DNAJC3: variants seen among roughly 807,000 people sequenced by gnomAD.
DNAJC3 encodes dnaJ homolog subfamily C member 3.
A neutral mutation model predicts 68.6 loss-of-function variants in DNAJC3; 38 were observed. The observed-to-expected ratio is 0.55, with a 90% CI of 0.43 to 0.73. The LOEUF is 0.73. Ranked by LOEUF, DNAJC3 falls within the 30% of genes least tolerant of loss-of-function variation. DNAJC3 has a pLI of 0.00. For synonymous variants in DNAJC3, 203 were observed against 204.0 expected, an observed-to-expected ratio of 1.00 and a Z score of 0.04; for missense variants, 526 against 591.9, an observed-to-expected ratio of 0.89 and a Z score of 1.16.
chr13:95,748,078 T>G (rs1394945015), intron 4 of DNAJC3, among the ~76,000 whole-genome samples: 1 of 152,242 alleles, frequency 6.6e-6, no homozygotes, highest in African/African-American at 2.4e-5. Flanking sequence ...TAAACTCATC[T>G]ATTCTTGGTC....
chr13:95,715,954 C>CGA (rs1393602920), intron 2 of DNAJC3, among the ~76,000 whole-genome samples: 3 of 151,322 alleles, frequency 2.0e-5, no homozygotes, highest in Non-Finnish European at 4.4e-5. Context: ...GTCAGGAGTT[C>CGA]GAGACCAGCC....
chr13:95,706,255 G>A (rs1269354515), intron 1 of DNAJC3, among the ~76,000 whole-genome samples: 1 of 152,186 alleles, frequency 6.6e-6, no homozygotes, highest in Admixed American at 6.5e-5. Flanking sequence ...TAGTGTGAAA[G>A]CAGCCATAGA....
chr13:95,717,313 A>G (rs1362194713), intron 2 of DNAJC3, among the ~76,000 whole-genome samples: 1 of 152,216 alleles, frequency 6.6e-6, no homozygotes, highest in Non-Finnish European at 1.5e-5. Flanking sequence ...TAAACTTGTT[A>G]TGGTGCTTTC....
chr13:95,681,489 C>G (rs1253543046), intron 1 of DNAJC3, among the ~76,000 whole-genome samples: 1 of 151,916 alleles, frequency 6.6e-6, no homozygotes, highest in Non-Finnish European at 1.5e-5. Flanking sequence ...TAGCTGGGAC[C>G]ACAGGTATGC....
intron 1 of DNAJC3, among the ~76,000 whole-genome samples, chr13:95,698,120 C>G (rs1880497208): frequency 6.6e-6 from 1 of 151,796 alleles, no homozygotes; most frequent in Non-Finnish European, 1.5e-5. Flanking sequence ...TTCTCTCCCC[C>G]AACCTGCCTT....
rs1463686958 is a variant in DNAJC3, at chr13:95,760,721, G to T, written c.771G>T (p.Arg257Ser). ...ECLKLDQDHK[R>S]CFAHYKQVKK... Reference sequence around the variant, plus strand: ...TTAAACTTGACCAGGATCATAAAAGGTGTTTTGCACACTATAAACAAGTAA... The same window carrying T: ...TTAAACTTGACCAGGATCATAAAAGTTGTTTTGCACACTATAAACAAGTAA... Residue 257 changes from arginine (R) to serine (S), a missense_variant, in exon 7 of 12, where the codon AGG (arginine) becomes AGT (serine). Transcript: ENST00000602402. 6.2e-7 allele frequency: 1 copy of T among 1,612,028 alleles called. No homozygotes were observed. Among genetic ancestry groups the T allele is most frequent in the Non-Finnish European group, 8.5e-7 (1 of 1,179,174 alleles).
chr13:95,692,758 C>T (rs576893607), intron 1 of DNAJC3: 5 of 152,114 alleles, frequency 3.3e-5, no homozygotes, highest in South Asian at 2.1e-4. Context: ...TCAACTAGAC[C>T]TTACAATACT....
intron 1 of DNAJC3, among the ~76,000 whole-genome samples, chr13:95,688,587 C>T (rs935049289): frequency 6.6e-6 from 1 of 151,478 alleles, no homozygotes; most frequent in Admixed American, 6.6e-5. Flanking sequence ...TCTATCTCGG[C>T]TCACTGCAAC....
At position 95,738,646 on chromosome 13, in the gene DNAJC3, C is replaced by T. The variant is rs181317065; in HGVS notation, c.393+13394C>T. On this transcript the variant is annotated intron_variant, in intron 4 of 11. Transcript: ENST00000602402. ...TTTTATCAGAGACAAGGATTGCAACCCCTGCCTTTTTTTGTTTTCCATTGG... is the reference window on the plus strand; with the variant it reads ...TTTTATCAGAGACAAGGATTGCAACTCCTGCCTTTTTTTGTTTTCCATTGG... Among the ~76,000 whole-genome samples, 67 of 152,154 alleles carry T rather than the reference C, an allele frequency of 4.4e-4. 1 individual carries two copies. Among genetic ancestry groups the T allele is most frequent in the African/African-American group, 1.5e-3 (64 of 41,498 alleles).
chr13:95,697,852 T>A (rs1332921407), intron 1 of DNAJC3, among the ~76,000 whole-genome samples: 1 of 150,498 alleles, frequency 6.6e-6, no homozygotes, highest in African/African-American at 2.4e-5. Context: ...GCTTTTCTGG[T>A]TATTTTTGTG....
At chr13:95,690,926 C>G in intron 1 of DNAJC3, among the ~76,000 whole-genome samples, 1 of 138,638 alleles carries the variant, frequency 7.2e-6, no homozygotes, top group Non-Finnish European at 1.6e-5. Context: ...GGCTGACCCC[C>G]CCCACCTCCC....
chr13:95,722,773 T>C (rs1370397522), intron 2 of DNAJC3, among the ~76,000 whole-genome samples: 1 of 120,470 alleles, frequency 8.3e-6, no homozygotes, highest in Non-Finnish European at 1.6e-5. Context: ...AGGGCCATGA[T>C]CATGCCACTG....
chr13:95,791,036 C>T lies in DNAJC3; in HGVS notation c.*6C>T. ...TTAAATTCCACTTCAATTAAACCAA[C>T]TGTTTTTCTGCTCTTCTTAATTTTT... On this transcript the variant is annotated 3_prime_UTR_variant, in exon 12 of 12. Transcript: ENST00000602402. 1.2e-6 allele frequency: 2 copies of T among 1,613,126 alleles called. No homozygotes were observed. The highest frequency in any genetic ancestry group is 2.2e-5 in the South Asian group (2 of 90,796).
intron 1 of DNAJC3, among the ~76,000 whole-genome samples, chr13:95,704,556 C>A (rs1254037171): frequency 6.6e-6 from 1 of 152,150 alleles, no homozygotes; most frequent in Admixed American, 6.5e-5. Context: ...TAAGGAGATA[C>A]AGTGCTGTAT....
intron 1 of DNAJC3, among the ~76,000 whole-genome samples, chr13:95,678,045 G>A: frequency 6.6e-6 from 1 of 152,190 alleles, no homozygotes; most frequent in East Asian, 1.9e-4. Flanking sequence ...AGATACGAAC[G>A]ATTAAATTTC....
chr13:95,780,347 C>T (rs1006347736), intron 9 of DNAJC3, among the ~76,000 whole-genome samples: 18 of 152,330 alleles, frequency 1.2e-4, no homozygotes, highest in African/African-American at 4.1e-4. Context: ...TTACCTCTGT[C>T]TTGCCCCAGT....
chr13:95,787,133 T>C lies in DNAJC3; in HGVS notation c.1335T>C (p.Ala445=). The C allele has an allele frequency of 6.2e-7, 1 of 1,612,256 alleles. No individual in the cohort carries two copies. Among genetic ancestry groups the C allele is most frequent in the Non-Finnish European group, 8.5e-7 (1 of 1,179,658 alleles). ...AEKKFIDIAA[A]KEVLSDPEMR... ...AAAAGTTCATTGATATAGCAGCTGC[T>C]AAAGAAGTCCTCTCTGATCCAGGTA... Residue 445 remains alanine, a synonymous_variant, in exon 11 of 12, where the codon GCT becomes GCC. Coordinates refer to ENST00000602402, the MANE Select transcript of DNAJC3 (RefSeq NM_006260.5).
Position 95,763,690 on chromosome 13 carries a change from C to T in DNAJC3, c.896C>T (p.Pro299Leu). 8 of 1,613,954 alleles carry T rather than the reference C, an allele frequency of 5.0e-6. No individual in the cohort carries two copies. Among genetic ancestry groups the T allele is most frequent in the Non-Finnish European group, 6.8e-6 (8 of 1,179,888 alleles). ...SKYESVMKTE[P>L]SIAEYTVRSK... ...TATGAATCTGTCATGAAAACAGAGC[C>T]AAGCATTGCTGAATATACAGTTCGT... Residue 299 changes from proline (P) to leucine (L), a missense_variant, in exon 8 of 12, where the codon CCA becomes CTA. Pro to Leu is a moderately conservative substitution (Grantham distance 98). Transcript: ENST00000602402.
chr13:95,755,154 A>G (rs1313828317), intron 4 of DNAJC3, among the ~76,000 whole-genome samples: 2 of 152,044 alleles, frequency 1.3e-5, no homozygotes, highest in African/African-American at 2.4e-5. Flanking sequence ...AATAATAAAA[A>G]TCTTCATCTC....
Sources: gnomAD v4.1 joint callset for allele counts (sites outside exome capture counted in the v4.1 genomes callset) on GRCh38, gnomAD v4.1.1 for gene constraint, MANE v1.5 for transcripts, NCBI Gene and HGNC (gene_info 2026-07-23, HGNC 2026-07-21) for gene names.